Variants in ASS1 observed in about 807,000 individuals in gnomAD.
ASS1 encodes the protein argininosuccinate synthase 1.
ASS1 carries 58 observed loss-of-function variants against 60.5 expected under a neutral mutation model. The ratio of observed to expected loss-of-function variants is 0.96; its 90% CI spans 0.78 to 1.19. The LOEUF (loss-of-function observed/expected upper bound fraction) is 1.19, where lower values mean the gene tolerates loss of function less well. ASS1 is among the 50% of genes most tolerant of loss of function. The pLI is 0.00. For synonymous variants in ASS1, 200 were observed against 206.9 expected (o/e 0.97, Z 0.29); for missense variants, 454 against 547.3 (o/e 0.83, Z 1.70).
At chr9:130,445,078 G>T in intron 1 of ASS1, 83 bp downstream of exon 1, 6 of 904,878 alleles carry the variant, frequency 6.6e-6, no homozygotes, top group Non-Finnish European at 6.6e-6. Flanking sequence ...AGGCGTAGAA[G>T]ACGCCCGCCC....
chr9:130,475,313 C>A (rs1845986798), intron 8 of ASS1, among the ~76,000 whole-genome samples: 1 of 152,138 alleles, frequency 6.6e-6, no homozygotes, highest in African/African-American at 2.4e-5. Flanking sequence ...CCAGGCCTTC[C>A]CTGACATTTT....
At chr9:130,471,435 C>T (rs758420576) in intron 7 of ASS1, 50 bp from the exon 8 acceptor site, 55 of 1,604,264 alleles carry the variant, frequency 3.4e-5, no homozygotes, top group Non-Finnish European at 4.4e-5. Flanking sequence ...GGGATGGGGA[C>T]ATGCCATGTC....
chr9:130,448,442 AC>A (rs1845250279), intron 1 of ASS1, among the ~76,000 whole-genome samples: 5 of 151,466 alleles, frequency 3.3e-5, no homozygotes, highest in South Asian at 2.1e-4. Context: ...ACACACACAC[AC>A]ACTGTCTCAG....
At chr9:130,444,747 G>A (rs1845154783), upstream of ASS1, among the ~76,000 whole-genome samples, 1 of 151,908 alleles carries the variant, frequency 6.6e-6, no homozygotes, top group South Asian at 2.1e-4. The surrounding 1 kb of genome is among the most constrained non-coding windows in gnomAD (Gnocchi z 4.7). Context: ...GCCGGGCCCA[G>A]GCCCGGACCT....
intron 8 of ASS1, among the ~76,000 whole-genome samples, chr9:130,475,296 G>A (rs1052413479): frequency 2.0e-5 from 3 of 152,126 alleles, no homozygotes; most frequent in East Asian, 1.9e-4. Flanking sequence ...GCATGTTCCC[G>A]TTTGTACCAG....
At position 130,470,995 on chromosome 9, in the gene ASS1, C is replaced by T; in HGVS notation, c.566+91C>T. The T allele has an allele frequency of 2.1e-6, 3 of 1,411,372 alleles. No individual in the cohort carries two copies. The highest frequency in any genetic ancestry group is 3.0e-6 in the Non-Finnish European group (3 of 998,476). The allele number at this position is 1,411,372 out of a possible 1,614,324, so 87.4% of individuals were successfully genotyped here. A position where few individuals can be genotyped will look rare whatever the true frequency, so the allele number is the denominator to read the frequency against. ...CCCCAGGACGTCCTGGTGACCCCCA[C>T]ACCAGTGGTCCCTGCCCTCGGGGAG... On this transcript the variant is annotated intron_variant, in intron 7 of 14. Transcript: ENST00000352480. This position sits in a 1 kb window ranked among gnomAD's most constrained non-coding sequence, Gnocchi z 4.3.
intron 11 of ASS1, among the ~76,000 whole-genome samples, chr9:130,481,733 C>T (rs1367806582): frequency 6.6e-6 from 1 of 152,166 alleles, no homozygotes; most frequent in African/African-American, 2.4e-5. Context: ...GCAGCATGGA[C>T]CGGGGCGGGG....
chr9:130,469,804 T>C (rs543602798), intron 6 of ASS1, among the ~76,000 whole-genome samples: 7 of 152,278 alleles, frequency 4.6e-5, no homozygotes, highest in African/African-American at 1.7e-4. Context: ...CTCACCATCT[T>C]GGGAATGAGC....
chr9:130,487,050 G>A (rs1373550121), intron 11 of ASS1, among the ~76,000 whole-genome samples: 1 of 152,164 alleles, frequency 6.6e-6, no homozygotes, highest in African/African-American at 2.4e-5. Flanking sequence ...CCCCTCCCCA[G>A]GCCTCAGGTT....
Position 130,461,481 on chromosome 9 carries a change from G to C in ASS1, c.364-2630G>C, listed in dbSNP as rs115640810. ...TCTGAGGAGAACGCCCCCCAAGCTA[G>C]TGCTATGGCCGCTCGGGACTTGGGG... On this transcript the variant is annotated intron_variant, in intron 4 of 14. Transcript: ENST00000352480. 8.7e-3 allele frequency among the ~76,000 whole-genome samples: 1,321 copies of C among 152,266 alleles called. 20 individuals carry two copies. The highest frequency in any genetic ancestry group is 0.03 in the African/African-American group (1,231 of 41,570).
chr9:130,451,021 C>T (rs117997457), intron 1 of ASS1, among the ~76,000 whole-genome samples: 3,993 of 152,278 alleles, frequency 0.026, 69 homozygotes, highest in Non-Finnish European at 0.041. Context: ...CTTGTTGATC[C>T]GATGACCCTG....
intron 8 of ASS1, 67 bp downstream of exon 8, chr9:130,471,582 T>G: frequency 1.3e-6 from 2 of 1,548,114 alleles, no homozygotes; most frequent in Non-Finnish European, 1.8e-6. Context: ...ATGCCGATGC[T>G]GTCTGATGTA....
In ASS1 at chr9:130,464,165, A is replaced by C; in HGVS notation, c.418A>C (p.Lys140Gln). 1 of 1,614,106 alleles carries C rather than the reference A, an allele frequency of 6.2e-7. No individual in the cohort carries two copies. Among genetic ancestry groups the C allele is most frequent in the Middle Eastern group, 1.6e-4 (1 of 6,062 alleles). ...CTGCTACTCACTGGCCCCCCAGATAAAGGTAGGATGTGGCTCCTCCCCTTA... is the reference window on the plus strand; with the variant it reads ...CTGCTACTCACTGGCCCCCCAGATACAGGTAGGATGTGGCTCCTCCCCTTA... Reference protein sequence around the residue: ...LSCYSLAPQIKVIAPWRMPEF... With the variant: ...LSCYSLAPQIQVIAPWRMPEF... The change falls in exon 5 of 15, where the codon AAG becomes CAG. Residue 140 changes from lysine (K) to glutamine (Q), a missense_variant and splice_region_variant. Lys to Gln is a moderately conservative substitution (Grantham distance 53). Transcript: ENST00000352480.
At chr9:130,469,033 C>T (rs371323918) in intron 6 of ASS1, among the ~76,000 whole-genome samples, 6 of 152,316 alleles carry the variant, frequency 3.9e-5, no homozygotes, top group East Asian at 3.9e-4. Context: ...TGCTCCTGGA[C>T]GGAGGTCCGC....
At chr9:130,463,992 T>C in intron 4 of ASS1, 119 bp from the exon 5 acceptor site, 1 of 1,044,762 alleles carries the variant, frequency 9.6e-7, no homozygotes, top group Non-Finnish European at 1.5e-6. Context: ...TGACCTCACA[T>C]GTGTACACGC....
At chr9:130,450,855 T>G (rs1192525427) in intron 1 of ASS1, among the ~76,000 whole-genome samples, 1 of 152,226 alleles carries the variant, frequency 6.6e-6, no homozygotes, top group East Asian at 1.9e-4. Flanking sequence ...ATAAAGACCC[T>G]GGGTGACTCT....
At position 130,478,074 on chromosome 9, in the gene ASS1, G is replaced by A. The variant is rs959608767; in HGVS notation, c.688+1113G>A. On this transcript the variant is annotated intron_variant, in intron 9 of 14. Transcript: ENST00000352480. The surrounding 1 kb of genome is among the most constrained non-coding windows in gnomAD (Gnocchi z 4.7). ...GACCACAGGCATGATGCTCACAGGTGCCCGGCATGGTATGTGGAATGGGGT... is the reference window on the plus strand; with the variant it reads ...GACCACAGGCATGATGCTCACAGGTACCCGGCATGGTATGTGGAATGGGGT... Among the ~76,000 whole-genome samples, 2 of 152,220 alleles carry A rather than the reference G, an allele frequency of 1.3e-5. No homozygotes were observed. The highest frequency in any genetic ancestry group is 2.9e-5 in the Non-Finnish European group (2 of 68,046).
intron 11 of ASS1, among the ~76,000 whole-genome samples, chr9:130,486,696 A>G (rs1228368944): frequency 6.6e-6 from 1 of 152,180 alleles, no homozygotes; most frequent in Non-Finnish European, 1.5e-5. Context: ...CCCACCAATG[A>G]AGCGGGATGG....
At position 130,476,513 on chromosome 9, in the gene ASS1, G is replaced by A. The variant is rs1014926728; in HGVS notation, c.598-358G>A. Reference sequence around the variant, plus strand: ...ACCCCAATCCCGAGCCGGCGAGAGCGTGCGTGCCGCTCCTGGGAAGCCCTC... The same window carrying A: ...ACCCCAATCCCGAGCCGGCGAGAGCATGCGTGCCGCTCCTGGGAAGCCCTC... On this transcript the variant is annotated intron_variant, in intron 8 of 14. Transcript: ENST00000352480. The surrounding 1 kb of genome is among the most constrained non-coding windows in gnomAD (Gnocchi z 4.9). The A allele has an allele frequency of 2.6e-5, 11 of 424,774 alleles. No individual in the cohort carries two copies. The highest frequency in any genetic ancestry group is 3.5e-5 in the Non-Finnish European group (8 of 227,088). The allele number at this position is 424,774 out of a possible 1,614,324, so 26.3% of individuals were successfully genotyped here. A position where few individuals can be genotyped will look rare whatever the true frequency, so the allele number is the denominator to read the frequency against.
Sources: gnomAD v4.1 joint callset for allele counts (sites outside exome capture counted in the v4.1 genomes callset) on GRCh38, gnomAD v4.1.1 for gene constraint, Gnocchi (gnomAD v3.1) non-coding constraint, MANE v1.5 for transcripts, NCBI Gene and HGNC (gene_info 2026-07-23, HGNC 2026-07-21) for gene names.